Variants in DTNA observed in about 807,000 individuals in gnomAD.
DTNA encodes the protein dystrophin-related protein 3.
Under a neutral mutation model 100.7 loss-of-function variants are expected in DTNA, and 43 were observed. The ratio of observed to expected loss-of-function variants is 0.43; its 90% confidence interval spans 0.33 to 0.55. DTNA has a LOEUF of 0.55. Ranked by LOEUF, DTNA falls within the 20% of genes least tolerant of loss-of-function variation. DTNA has a pLI of 0.04. For missense variants in DTNA, 798 were observed against 953.9 expected, an observed-to-expected ratio of 0.84 and a Z score of 2.15; for synonymous variants, 349 against 347.9, an observed-to-expected ratio of 1.00 and a Z score of -0.04.
In DTNA at chr18:34,882,079, G is replaced by A. The variant is rs752646223; in HGVS notation, c.2173G>A (p.Asp725Asn). The change falls in exon 21 of 23, where the codon GAT (aspartate) becomes AAT (asparagine). Residue 725 changes from aspartate (D) to asparagine (N), a missense_variant. Transcript: ENST00000444659. ...GTGGTTTATTTTCAGGGTTACGGAG[G>A]ATGCAGATCCCTATGTGCAGCCTGA... is the stretch of plus-strand genomic sequence containing the variant. ...STMRGDMVTE[D>N]ADPYVQPEDE... 3 of 1,613,948 alleles carry A rather than the reference G, an allele frequency of 1.9e-6. No individual in the cohort carries two copies. In the African/African-American group the frequency reaches 4.0e-5, roughly 22 times the overall value.
intron 1 of DTNA, among the ~76,000 whole-genome samples, chr18:34,563,964 C>CGT (rs1440357812): frequency 1.3e-5 from 2 of 149,142 alleles, no homozygotes; most frequent in African/African-American, 5.1e-5. Flanking sequence ...CAGTTGCTTT[C>CGT]GTATGTGTGT....
At position 34,586,130 on chromosome 18, in the gene DTNA, G is replaced by T. The variant is rs145889894; in HGVS notation, c.-2+92616G>T. 2.3e-4 allele frequency among the ~76,000 whole-genome samples: 35 copies of T among 152,304 alleles called. No individual in the cohort carries two copies. The East Asian group carries it at 3.3e-3, about 14-fold the overall frequency. On this transcript the variant is annotated intron_variant, in intron 1 of 19. Transcript: ENST00000283365. ...GTGAACTATTTCCTTTGAAGAAAAG[G>T]TTCCATAGAAAACAACAGCAAGTTT...
At chr18:34,829,613 G>T in intron 11 of DTNA, 124 bp downstream of exon 11, 2 of 1,001,832 alleles carry the variant, frequency 2.0e-6, no homozygotes, top group South Asian at 2.4e-5. Flanking sequence ...GGTCTTCTGG[G>T]GTTTAATGAA....
chr18:34,648,858 G>A (rs1427286405), intron 1 of DTNA, among the ~76,000 whole-genome samples: 1 of 152,184 alleles, frequency 6.6e-6, no homozygotes, highest in Non-Finnish European at 1.5e-5. Context: ...ATGTGTATGT[G>A]CAAATGTATT....
At chr18:34,854,121 T>C (rs1202186736) in intron 15 of DTNA, among the ~76,000 whole-genome samples, 1 of 152,146 alleles carries the variant, frequency 6.6e-6, no homozygotes, top group Non-Finnish European at 1.5e-5. Flanking sequence ...CTTGTGTGAG[T>C]ATTGATGACA....
chr18:34,505,775 A>G (rs375711430), intron 1 of DTNA, among the ~76,000 whole-genome samples: 1 of 151,880 alleles, frequency 6.6e-6, no homozygotes, highest in East Asian at 1.9e-4. Context: ...TGTTTTTCTT[A>G]TGACTGCTTT....
chr18:34,756,108 A>G, intron 2 of DTNA, 65 bp downstream of exon 2: 2 of 1,502,758 alleles, frequency 1.3e-6, no homozygotes, highest in South Asian at 1.2e-5. Flanking sequence ...AAGGCTAGAA[A>G]TAACCATTTA....
At chr18:34,624,608 G>A (rs772146091) in intron 1 of DTNA, among the ~76,000 whole-genome samples, 1 of 152,182 alleles carries the variant, frequency 6.6e-6, no homozygotes, top group African/African-American at 2.4e-5. Context: ...TACTGAGAAG[G>A]CTGATATGTT....
At chr18:34,668,410 T>C (rs1467932666) in intron 1 of DTNA, among the ~76,000 whole-genome samples, 1 of 152,190 alleles carries the variant, frequency 6.6e-6, no homozygotes, top group Non-Finnish European at 1.5e-5. Flanking sequence ...AAGGGTTTTT[T>C]GTGTCTCTGT....
At chr18:34,852,243 A>G (rs1290356209) in intron 15 of DTNA, among the ~76,000 whole-genome samples, 2 of 151,958 alleles carry the variant, frequency 1.3e-5, no homozygotes, top group East Asian at 3.9e-4. Context: ...GTACAGGAGG[A>G]CCCTCCTGGG....
chr18:34,506,072 C>T (rs760729436), intron 1 of DTNA, among the ~76,000 whole-genome samples: 1 of 152,190 alleles, frequency 6.6e-6, no homozygotes, highest in African/African-American at 2.4e-5. Flanking sequence ...CTTCACATTA[C>T]TGTAGGGCAA....
chr18:34,526,721 G>A (rs1270653131), intron 1 of DTNA, among the ~76,000 whole-genome samples: 1 of 152,072 alleles, frequency 6.6e-6, no homozygotes, highest in Non-Finnish European at 1.5e-5. Context: ...AGCATAAGAA[G>A]TTGACCCTTC....
chr18:34,573,279 C>T (rs1278699973), intron 1 of DTNA, among the ~76,000 whole-genome samples: 1 of 152,206 alleles, frequency 6.6e-6, no homozygotes, highest in Non-Finnish European at 1.5e-5. Context: ...ACACATAACA[C>T]AACTTTAGGG....
At chr18:34,871,159 G>C (rs1281172181) in intron 17 of DTNA, among the ~76,000 whole-genome samples, 1 of 152,176 alleles carries the variant, frequency 6.6e-6, no homozygotes, top group Non-Finnish European at 1.5e-5. Context: ...ATAATTCTCT[G>C]CTGTTTCACC....
chr18:34,626,499 GTTTGT>G lies in DTNA; in HGVS notation c.-1-129473_-1-129469del, dbSNP rs573869599. 4.3e-3 allele frequency among the ~76,000 whole-genome samples: 654 copies of G among 152,104 alleles called. 4 individuals are homozygous for G. Among genetic ancestry groups the G allele is most frequent in the Non-Finnish European group, 6.4e-3 (435 of 67,992 alleles). On this transcript the variant is annotated intron_variant, in intron 1 of 19. Transcript: ENST00000283365. ...CTGTAAGGCTGTTTTCTGTTTGTTG[GTTTGT>G]TTTAAGAGGGAAATATCTTTGAGAG...
At chr18:34,578,355 A>G (rs1002980945) in intron 1 of DTNA, among the ~76,000 whole-genome samples, 2 of 151,576 alleles carry the variant, frequency 1.3e-5, no homozygotes, top group Non-Finnish European at 2.9e-5. Context: ...GTCTGAGTTC[A>G]TTGTAGATTC....
chr18:34,791,096 T>G (rs1196938045), intron 3 of DTNA, among the ~76,000 whole-genome samples: 2 of 152,122 alleles, frequency 1.3e-5, no homozygotes, highest in Non-Finnish European at 2.9e-5. Context: ...GTGGGAACCC[T>G]TATGTGGGCC....
At chr18:34,573,587 T>A (rs1294146721) in intron 1 of DTNA, among the ~76,000 whole-genome samples, 1 of 152,168 alleles carries the variant, frequency 6.6e-6, no homozygotes, top group Admixed American at 6.5e-5. Flanking sequence ...AATTGAAAAA[T>A]TAAAATTGTA....
chr18:34,874,653 C>T lies in DTNA; in HGVS notation c.1744-586C>T, dbSNP rs547998252. ...AACAAGGTTTCTTCTTCTTCTTCTT[C>T]CCCATTGGAATCCCTGAGTTACTAA... On this transcript the variant is annotated intron_variant, in intron 17 of 22. Coordinates refer to ENST00000444659, the MANE Select transcript of DTNA (RefSeq NM_001386795.1). Among the ~76,000 whole-genome samples, 6 of 152,124 alleles carry T rather than the reference C, an allele frequency of 3.9e-5. No individual in the cohort carries two copies. The South Asian group carries it at 1.2e-3, about 32-fold the overall frequency.
Sources: gnomAD v4.1 joint callset for allele counts (sites outside exome capture counted in the v4.1 genomes callset) on GRCh38, gnomAD v4.1.1 for gene constraint, MANE v1.5 for transcripts, NCBI Gene and HGNC (gene_info 2026-07-23, HGNC 2026-07-21) for gene names.